The following PRELID2 variants were observed in gnomAD, a reference collection of about 807,000 sequenced individuals.
PRELID2 encodes PRELI domain-containing protein 2.
In PRELID2, 25 loss-of-function variants were observed where a neutral mutation model predicts 28.4. That is an observed-to-expected ratio of 0.88 (90% CI 0.64 to 1.23). PRELID2 has a LOEUF of 1.23. PRELID2 is among the 50% of genes most tolerant of loss of function. The pLI is 0.00. For missense variants in PRELID2, 201 were observed against 214.4 expected (o/e 0.94, Z 0.39); for synonymous variants, 76 against 71.6 (o/e 1.06, Z -0.31).
intron 1 of PRELID2, among the ~76,000 whole-genome samples, chr5:145,683,586 T>A (rs1211764478): frequency 6.6e-6 from 1 of 152,166 alleles, no homozygotes; most frequent in African/African-American, 2.4e-5. Context: ...ATCCCTAGTA[T>A]CTCTCTGCAT....
chr5:145,242,684 T>C, the PRELID2 span, among the ~76,000 whole-genome samples: 10 of 152,186 alleles, frequency 6.6e-5, no homozygotes, highest in Admixed American at 6.6e-4. Context: ...TTTGACCTAA[T>C]CCCAGCTTGC....
chr5:145,319,543 C>T, the PRELID2 span, among the ~76,000 whole-genome samples: 9 of 151,928 alleles, frequency 5.9e-5, no homozygotes, highest in East Asian at 1.9e-4. Context: ...TGGTGATGGG[C>T]GCCTGTAGTC....
intron 1 of PRELID2, among the ~76,000 whole-genome samples, chr5:145,740,767 TATATA>T (rs1249580501): frequency 1.0e-4 from 12 of 117,850 alleles, no homozygotes; most frequent in African/African-American, 3.0e-4. Flanking sequence ...TATGTATAAA[TATATA>T]ATATATTTAT....
At chr5:145,448,999 A>G in the PRELID2 span, among the ~76,000 whole-genome samples, 69 of 152,248 alleles carry the variant, frequency 4.5e-4, no homozygotes, top group Middle Eastern at 3.4e-3. Context: ...AAAGCTAGGG[A>G]CATATAGATC....
the PRELID2 span, among the ~76,000 whole-genome samples, chr5:145,378,953 G>T: frequency 6.6e-6 from 1 of 151,734 alleles, no homozygotes; most frequent in Non-Finnish European, 1.5e-5. Flanking sequence ...TCAACCTTTG[G>T]ATTATTTTTC....
chr5:145,644,706 T>C (rs1011741258), intron 1 of PRELID2, among the ~76,000 whole-genome samples: 1 of 152,254 alleles, frequency 6.6e-6, no homozygotes, highest in Non-Finnish European at 1.5e-5. Context: ...GAGATTCTGG[T>C]ATGTTGTGTC....
At chr5:145,311,199 A>T in the PRELID2 span, among the ~76,000 whole-genome samples, 5 of 152,088 alleles carry the variant, frequency 3.3e-5, no homozygotes, top group African/African-American at 1.2e-4. Flanking sequence ...ACTGACCAAG[A>T]CTCTAGCACC....
chr5:145,368,437 T>C, the PRELID2 span, among the ~76,000 whole-genome samples: 15 of 151,902 alleles, frequency 9.9e-5, no homozygotes, highest in African/African-American at 3.6e-4. Flanking sequence ...CAAACCAAAC[T>C]GATGCATTTA....
downstream of PRELID2, among the ~76,000 whole-genome samples, chr5:145,470,415 C>T (rs758934590): frequency 6.6e-6 from 1 of 152,124 alleles, no homozygotes; most frequent in Non-Finnish European, 1.5e-5. Context: ...ACTAAGTAAT[C>T]GTAGCTAACA....
At chr5:145,734,933 G>A (rs961954952) in intron 1 of PRELID2, among the ~76,000 whole-genome samples, 1 of 152,044 alleles carries the variant, frequency 6.6e-6, no homozygotes, top group African/African-American at 2.4e-5. Flanking sequence ...AGAAGCTAAC[G>A]GAAATGTTTC....
At chr5:145,409,749 T>G in the PRELID2 span, among the ~76,000 whole-genome samples, 1 of 104,934 alleles carries the variant, frequency 9.5e-6, no homozygotes, top group African/African-American at 4.0e-5. Context: ...CCATCTCTAC[T>G]GAAAAAAAAA....
intron 1 of PRELID2, among the ~76,000 whole-genome samples, chr5:145,495,495 C>T (rs537260747): frequency 1.3e-5 from 2 of 152,162 alleles, no homozygotes; most frequent in Non-Finnish European, 2.9e-5. Flanking sequence ...AAGTGCTAAA[C>T]CCCTTTTCTT....
chr5:145,829,845 A>G (rs2149888887), intron 1 of PRELID2, among the ~76,000 whole-genome samples: 1 of 152,328 alleles, frequency 6.6e-6, no homozygotes, highest in South Asian at 2.1e-4. Context: ...AAATGGAAAC[A>G]TTATTAATTA....
chr5:145,437,201 A>G, the PRELID2 span: 13 of 152,304 alleles, frequency 8.5e-5, no homozygotes, highest in Admixed American at 7.8e-4. Context: ...GGAGGCGTTG[A>G]GAAAAGAAAA....
chr5:145,744,449 C>T (rs993923840), intron 1 of PRELID2, among the ~76,000 whole-genome samples: 1 of 152,200 alleles, frequency 6.6e-6, no homozygotes, highest in African/African-American at 2.4e-5. Context: ...AGGAATCCTA[C>T]TGGCATCAGG....
chr5:145,380,433 C>A, the PRELID2 span, among the ~76,000 whole-genome samples: 1 of 152,134 alleles, frequency 6.6e-6, no homozygotes, highest in Non-Finnish European at 1.5e-5. Flanking sequence ...CTGCTCTAAT[C>A]GGCCACCTTG....
chr5:145,795,434 G>A (rs545444120), intron 5 of PRELID2: 114 of 152,158 alleles, frequency 7.5e-4, no homozygotes, highest in African/African-American at 2.4e-3. Flanking sequence ...TGTACAGAAC[G>A]GTACTGAATA....
At chr5:145,701,015 C>T (rs1048325622) in intron 1 of PRELID2, among the ~76,000 whole-genome samples, 2 of 152,214 alleles carry the variant, frequency 1.3e-5, no homozygotes, top group African/African-American at 4.8e-5. Context: ...AAGATGAGGA[C>T]AGCAGATGGT....
At chr5:145,781,581 TATATAG>T (rs1451235076) in intron 5 of PRELID2, among the ~76,000 whole-genome samples, 5 of 148,534 alleles carry the variant, frequency 3.4e-5, no homozygotes, top group East Asian at 3.9e-4. Context: ...TATGTGTGTG[TATATAG>T]ATATATAGTA....
Sources: allele counts gnomAD v4.1 joint callset (sites outside exome capture counted in the v4.1 genomes callset), GRCh38; gene constraint gnomAD v4.1.1; transcripts MANE v1.5; gene names NCBI Gene and HGNC (gene_info 2026-07-23, HGNC 2026-07-21).